The following FNBP1 variants were observed in gnomAD, a reference collection of about 807,000 sequenced individuals.
FNBP1 encodes the protein formin-binding protein 1.
FNBP1 carries 26 observed loss-of-function variants against 90.6 expected under a neutral mutation model. That is an observed-to-expected ratio of 0.29 (90% CI 0.21 to 0.40). FNBP1 has a LOEUF of 0.40. FNBP1 is among the 10% of genes least tolerant of loss of function. The probability of loss-of-function intolerance (pLI) is 1.00; values close to 1 mark genes in which losing one functional copy is unlikely to be tolerated. For synonymous variants in FNBP1, 260 were observed against 265.2 expected (o/e 0.98, Z 0.19); for missense variants, 635 against 768.0 (o/e 0.83, Z 2.05).
rs1051186508 is a variant in FNBP1, at chr9:130,042,673, CG to C, written c.24+278del. 4.6e-5 allele frequency among the ~76,000 whole-genome samples: 7 copies of C among 151,698 alleles called. No individual in the cohort carries two copies. The highest frequency in any genetic ancestry group is 1.7e-4 in the African/African-American group (7 of 41,384). Reference sequence around the variant, plus strand: ...TCGGCCCGACACACACGGCCCGCTCCGGGGCGCCGGGGACAGGGAGGCCCGC... The same window carrying C: ...TCGGCCCGACACACACGGCCCGCTCCGGGCGCCGGGGACAGGGAGGCCCGC... On this transcript the variant is annotated intron_variant, in intron 1 of 16. Coordinates refer to ENST00000446176, the MANE Select transcript of FNBP1 (RefSeq NM_015033.3). This position sits in a 1 kb window ranked among gnomAD's most constrained non-coding sequence, Gnocchi z 5.5.
intron 6 of FNBP1, among the ~76,000 whole-genome samples, chr9:129,946,140 T>C (rs2045254551): frequency 6.6e-6 from 1 of 152,020 alleles, no homozygotes; most frequent in Non-Finnish European, 1.5e-5. Context: ...CTGCACTCCA[T>C]CCTGAGCGAC....
chr9:129,888,554 C>T lies in FNBP1; in HGVS notation c.*1985G>A, dbSNP rs1399281336. The T allele has an allele frequency of 8.6e-6, 2 of 232,904 alleles. No individual in the cohort carries two copies. The highest frequency in any genetic ancestry group is 1.8e-4 in the South Asian group (1 of 5,534). 14.4% of individuals were successfully genotyped at this position (232,904 alleles called of 1,614,324 possible). A position where few individuals can be genotyped will look rare whatever the true frequency, so the allele number is the denominator to read the frequency against. On this transcript the variant is annotated 3_prime_UTR_variant, in exon 17 of 17. Coordinates refer to ENST00000446176, the MANE Select transcript of FNBP1 (RefSeq NM_015033.3). ...ATGGGTGCACCACGCTTAGGTCACC[C>T]GTTGCAGGGACCGGAAGTCCATGGC... is the stretch of plus-strand genomic sequence containing the variant.
At chr9:129,969,749 A>T (rs1033684828) in intron 4 of FNBP1, among the ~76,000 whole-genome samples, 3 of 151,886 alleles carry the variant, frequency 2.0e-5, no homozygotes, top group African/African-American at 7.3e-5. Flanking sequence ...TCCCTAAAAA[A>T]AATTAAAAAA....
At chr9:129,907,782 G>A (rs2038420405) in intron 12 of FNBP1, among the ~76,000 whole-genome samples, 1 of 152,128 alleles carries the variant, frequency 6.6e-6, no homozygotes, top group African/African-American at 2.4e-5. Flanking sequence ...AGGCTGGAGT[G>A]CAGTGGCGCA....
chr9:129,914,623 ACT>A (rs1231060516), intron 11 of FNBP1, among the ~76,000 whole-genome samples: 1 of 150,792 alleles, frequency 6.6e-6, no homozygotes, highest in Non-Finnish European at 1.5e-5. Flanking sequence ...TTAATCAAAG[ACT>A]CTTCTCAGGA....
upstream of FNBP1, among the ~76,000 whole-genome samples, chr9:130,044,530 G>A (rs11790270): frequency 0.12 from 18,034 of 152,190 alleles, 1,150 homozygotes; most frequent in Middle Eastern, 0.15. Context: ...TTGGGAGACT[G>A]AGACAGGAGG....
chr9:129,951,286 GT>G (rs2046127401), intron 6 of FNBP1, among the ~76,000 whole-genome samples: 1 of 151,814 alleles, frequency 6.6e-6, no homozygotes. Flanking sequence ...TAGAAACTGG[GT>G]TTCTGTATGT....
intron 2 of FNBP1, among the ~76,000 whole-genome samples, chr9:129,983,549 G>A (rs912819128): frequency 3.3e-5 from 5 of 152,110 alleles, no homozygotes; most frequent in Non-Finnish European, 5.9e-5. Flanking sequence ...GTTCAGGCGC[G>A]GTGGCTCATG....
chr9:129,993,477 C>CT (rs1400176033), intron 2 of FNBP1, among the ~76,000 whole-genome samples: 1 of 53,562 alleles, frequency 1.9e-5, no homozygotes, highest in Non-Finnish European at 4.9e-5. Flanking sequence ...ATCCAAAGTA[C>CT]TTAAAAAAAA....
chr9:130,035,638 T>C (rs2132274500), intron 1 of FNBP1, among the ~76,000 whole-genome samples: 1 of 152,256 alleles, frequency 6.6e-6, no homozygotes, highest in Middle Eastern at 3.4e-3. Context: ...ATGATAACAA[T>C]CATTCGAGAC....
rs2042056519 is a variant in FNBP1, at chr9:129,927,292, A to G, written c.692T>C (p.Met231Thr). 6.2e-7 allele frequency: 1 copy of G among 1,613,480 alleles called. No individual in the cohort carries two copies. The highest frequency in any genetic ancestry group is 8.5e-7 in the Non-Finnish European group (1 of 1,179,596). The part of the protein sequence containing the change: ...ERRIVRMGES[M>T]KTYAEVDRQV... ...CCGATCAACCTCTGCATATGTCTTC[A>G]TGGACTCTCCCATTCTCACAATCCT... The change falls in exon 8 of 17, where the codon ATG becomes ACG. Residue 231 changes from methionine (M) to threonine (T), a missense_variant. Physicochemically the swap from Met to Thr is moderately conservative, Grantham distance 81. Transcript: ENST00000446176.
At chr9:129,930,643 A>G (rs1015519245) in intron 6 of FNBP1, among the ~76,000 whole-genome samples, 1 of 152,158 alleles carries the variant, frequency 6.6e-6, no homozygotes, top group African/African-American at 2.4e-5. Context: ...TACCTAAAAA[A>G]GGGGCAACAA....
chr9:129,992,233 C>A (rs112353686), intron 2 of FNBP1, among the ~76,000 whole-genome samples: 1 of 152,124 alleles, frequency 6.6e-6, no homozygotes, highest in Admixed American at 6.5e-5. Flanking sequence ...CTTGAGAGCT[C>A]GCACGTAGCC....
chr9:130,005,544 T>C (rs1038044605), intron 1 of FNBP1, among the ~76,000 whole-genome samples: 7 of 152,070 alleles, frequency 4.6e-5, no homozygotes, highest in Admixed American at 1.3e-4. Flanking sequence ...GATTTCACCA[T>C]GTTAGCAAGG....
chr9:129,950,068 A>G (rs1434849983), intron 6 of FNBP1, among the ~76,000 whole-genome samples: 1 of 152,236 alleles, frequency 6.6e-6, no homozygotes, highest in Non-Finnish European at 1.5e-5. Context: ...TGTTAGATTC[A>G]GAGACTGTCA....
chr9:130,034,766 TC>T (rs2059159082), intron 1 of FNBP1, among the ~76,000 whole-genome samples: 1 of 152,162 alleles, frequency 6.6e-6, no homozygotes, highest in Admixed American at 6.6e-5. Context: ...ATGAATAACA[TC>T]AACTGTTTTA....
chr9:129,912,430 T>G (rs1312458031), intron 11 of FNBP1, among the ~76,000 whole-genome samples: 1 of 152,152 alleles, frequency 6.6e-6, no homozygotes, highest in African/African-American at 2.4e-5. Context: ...AGCTCATGCC[T>G]GTAATCTTGG....
Position 129,978,447 on chromosome 9 carries a change from G to T in FNBP1, c.345+18C>A. On this transcript the variant is annotated intron_variant, in intron 4 of 16. Coordinates refer to ENST00000446176, the MANE Select transcript of FNBP1 (RefSeq NM_015033.3). ...TTGGTCCATCTTTTAGGAAGAAAAAGAATAAAGTTTTGCTTACTGATTTCC... is the reference window on the plus strand; with the variant it reads ...TTGGTCCATCTTTTAGGAAGAAAAATAATAAAGTTTTGCTTACTGATTTCC... The T allele has an allele frequency of 6.2e-7, 1 of 1,607,526 alleles. No homozygotes were observed. Among genetic ancestry groups the T allele is most frequent in the East Asian group, 2.2e-5 (1 of 44,824 alleles).
At chr9:129,907,580 G>GGTGTGTGTGTGT (rs55973122) in intron 12 of FNBP1, among the ~76,000 whole-genome samples, 5 of 147,108 alleles carry the variant, frequency 3.4e-5, no homozygotes, top group African/African-American at 1.3e-4. Context: ...TAGGAGTGAG[G>GGTGTGTGTGTGT]GTGTGTGTGT....
Sources: gnomAD v4.1 joint callset for allele counts (sites outside exome capture counted in the v4.1 genomes callset) on GRCh38, gnomAD v4.1.1 for gene constraint, Gnocchi (gnomAD v3.1) non-coding constraint, MANE v1.5 for transcripts, NCBI Gene and HGNC (gene_info 2026-07-23, HGNC 2026-07-21) for gene names.